Variants in SLC44A5 observed in about 807,000 individuals in gnomAD.
SLC44A5 encodes the protein solute carrier family 44 member 5.
SLC44A5 carries 57 observed loss-of-function variants against 101.8 expected under a neutral mutation model. The observed-to-expected ratio is 0.56, with a 90% confidence interval of 0.45 to 0.70. The LOEUF is 0.70. SLC44A5 is among the 30% of genes least tolerant of loss of function. The pLI, the probability that SLC44A5 is intolerant of heterozygous loss-of-function variation, is 0.00. For missense variants in SLC44A5, 737 were observed against 853.1 expected, an observed-to-expected ratio of 0.86 and a Z score of 1.70; for synonymous variants, 281 against 290.9, an observed-to-expected ratio of 0.97 and a Z score of 0.35.
chr1:75,437,280 A>ATCAAC (rs762694096), intron 2 of SLC44A5, among the ~76,000 whole-genome samples: 18 of 152,138 alleles, frequency 1.2e-4, no homozygotes, highest in Non-Finnish European at 1.8e-4. Flanking sequence ...TTACAATAGC[A>ATCAAC]TCAACTCAAC....
At chr1:75,502,533 T>C (rs1669016830) in intron 2 of SLC44A5, among the ~76,000 whole-genome samples, 1 of 151,190 alleles carries the variant, frequency 6.6e-6, no homozygotes, top group South Asian at 2.1e-4. Context: ...TTTCAAGATC[T>C]CTACTTTCTT....
intron 3 of SLC44A5, among the ~76,000 whole-genome samples, chr1:75,348,361 G>A (rs1658405836): frequency 6.6e-6 from 1 of 152,086 alleles, no homozygotes; most frequent in Non-Finnish European, 1.5e-5. Flanking sequence ...CAAATTCCAT[G>A]AGCAAGGGGG....
intron 6 of SLC44A5, among the ~76,000 whole-genome samples, chr1:75,255,221 C>A (rs1194972658): frequency 1.3e-5 from 2 of 151,952 alleles, no homozygotes; most frequent in Non-Finnish European, 2.9e-5. Flanking sequence ...AATTATGTAG[C>A]ATCAGGCATA....
At chr1:75,476,773 C>G (rs938180410) in intron 2 of SLC44A5, among the ~76,000 whole-genome samples, 1 of 152,258 alleles carries the variant, frequency 6.6e-6, no homozygotes, top group Non-Finnish European at 1.5e-5. Context: ...TGGAGCCCAC[C>G]ACAGCTCAAG....
chr1:75,685,474 C>A, the SLC44A5 span, among the ~76,000 whole-genome samples: 1 of 152,150 alleles, frequency 6.6e-6, no homozygotes, highest in African/African-American at 2.4e-5. Flanking sequence ...CAAACCATAT[C>A]TTTGTGAATA....
In SLC44A5 at chr1:75,379,028, G is replaced by C. The variant is rs1296313627; in HGVS notation, c.52+17555C>G. 2.5e-5 allele frequency among the ~76,000 whole-genome samples: 2 copies of C among 79,772 alleles called. 1 individual carries two copies. The highest frequency in any genetic ancestry group is 5.9e-3 in the East Asian group (2 of 340). 52.3% of individuals were successfully genotyped at this position (79,772 alleles called of 152,430 possible). On this transcript the variant is annotated intron_variant, in intron 3 of 23. Transcript: ENST00000370859. The stretch of plus-strand genomic sequence containing the variant: ...TAAATCAAGAAAGGAAGGAGATACT[G>C]AGGCATGGCAATTCCCAGTAACGTT...
chr1:75,226,654 T>C (rs778216777), intron 13 of SLC44A5, among the ~76,000 whole-genome samples: 11 of 152,122 alleles, frequency 7.2e-5, no homozygotes, highest in Non-Finnish European at 1.2e-4. Context: ...TCTGAGGTTC[T>C]TTCTGGGCTT....
intron 4 of SLC44A5, among the ~76,000 whole-genome samples, chr1:75,312,829 A>T (rs773191234): frequency 6.6e-6 from 1 of 152,068 alleles, no homozygotes; most frequent in Non-Finnish European, 1.5e-5. Flanking sequence ...GCAACATTTC[A>T]TATGTTAAAG....
chr1:75,486,179 C>G (rs1028827852), intron 2 of SLC44A5, among the ~76,000 whole-genome samples: 4 of 152,180 alleles, frequency 2.6e-5, no homozygotes, highest in African/African-American at 9.7e-5. Context: ...TTACAAGGCT[C>G]TATTCAAGAC....
the SLC44A5 span, among the ~76,000 whole-genome samples, chr1:75,658,185 C>A: frequency 4.6e-5 from 7 of 152,040 alleles, no homozygotes; most frequent in African/African-American, 1.4e-4. Flanking sequence ...CTGATCCTCC[C>A]AACTCAGCCT....
chr1:75,679,486 C>G, the SLC44A5 span, among the ~76,000 whole-genome samples: 4 of 151,926 alleles, frequency 2.6e-5, 1 homozygote, highest in African/African-American at 9.7e-5. Flanking sequence ...GAATTTTCAA[C>G]CCAGAATTTC....
chr1:75,274,913 A>G, intron 6 of SLC44A5, 45 bp downstream of exon 6: 3 of 1,447,768 alleles, frequency 2.1e-6, no homozygotes, highest in Non-Finnish European at 2.9e-6. Context: ...TCTAGGTTCC[A>G]GTTTAGACAG....
chr1:75,330,051 TAA>T (rs1656900083), intron 4 of SLC44A5, among the ~76,000 whole-genome samples: 1 of 151,372 alleles, frequency 6.6e-6, no homozygotes, highest in African/African-American at 2.4e-5. Context: ...TATGTTCCCT[TAA>T]GTCTTTCCTA....
chr1:75,709,546 T>C, the SLC44A5 span, among the ~76,000 whole-genome samples: 1 of 152,214 alleles, frequency 6.6e-6, no homozygotes, highest in East Asian at 1.9e-4. Context: ...GTTTTTTCTT[T>C]CTTGATGTAA....
At chr1:75,553,012 G>C (rs183530301) in intron 1 of SLC44A5, among the ~76,000 whole-genome samples, 1 of 151,982 alleles carries the variant, frequency 6.6e-6, no homozygotes, top group Non-Finnish European at 1.5e-5. Flanking sequence ...CAAAAATTAC[G>C]TACCAAGTCA....
intron 2 of SLC44A5, among the ~76,000 whole-genome samples, chr1:75,402,652 T>TGGC (rs770729931): frequency 3.9e-5 from 6 of 152,082 alleles, no homozygotes; most frequent in Non-Finnish European, 8.8e-5. Flanking sequence ...CGGTGCATTC[T>TGGC]GGCCCAGATA....
chr1:75,514,708 T>G (rs1020755430), intron 2 of SLC44A5, among the ~76,000 whole-genome samples: 4 of 152,350 alleles, frequency 2.6e-5, no homozygotes, highest in African/African-American at 9.6e-5. Context: ...ATTTAAATAT[T>G]AAATTATGAA....
chr1:75,625,335 A>G, the SLC44A5 span, among the ~76,000 whole-genome samples: 1 of 152,126 alleles, frequency 6.6e-6, no homozygotes. Context: ...TTTCATGACA[A>G]TTGTCTCACA....
chr1:75,564,420 C>A (rs1466290207), intron 1 of SLC44A5, among the ~76,000 whole-genome samples: 1 of 139,500 alleles, frequency 7.2e-6, no homozygotes, highest in African/African-American at 2.7e-5. Flanking sequence ...CTCATAAGTC[C>A]CCCAAAAGGA....
Sources: allele counts gnomAD v4.1 joint callset (sites outside exome capture counted in the v4.1 genomes callset), GRCh38; gene constraint gnomAD v4.1.1; transcripts MANE v1.5; gene names NCBI Gene and HGNC (gene_info 2026-07-23, HGNC 2026-07-21).